DLAT: variants seen among roughly 807,000 people sequenced by gnomAD.
DLAT encodes dihydrolipoamide S-acetyltransferase.
Under a neutral mutation model 68.0 loss-of-function variants are expected in DLAT, and 43 were observed. The ratio of observed to expected loss-of-function variants is 0.63; its 90% CI spans 0.50 to 0.81. The LOEUF is 0.81. DLAT is among the 40% of genes least tolerant of loss of function. The pLI is 0.00. For missense variants in DLAT, 745 were observed against 815.4 expected, an observed-to-expected ratio of 0.91 and a Z score of 1.05; for synonymous variants, 265 against 288.6, an observed-to-expected ratio of 0.92 and a Z score of 0.83.
intron 7 of DLAT, among the ~76,000 whole-genome samples, chr11:112,041,953 A>T (rs1863073711): frequency 6.6e-6 from 1 of 152,202 alleles, no homozygotes; most frequent in Non-Finnish European, 1.5e-5. Flanking sequence ...TGAGATTGGA[A>T]AAAAACAGGG....
intron 11 of DLAT, among the ~76,000 whole-genome samples, chr11:112,058,177 G>C (rs1031031434): frequency 1.3e-5 from 2 of 152,110 alleles, no homozygotes; most frequent in Non-Finnish European, 2.9e-5. Flanking sequence ...AACATGTACT[G>C]TTTACTGGAT....
intron 4 of DLAT, among the ~76,000 whole-genome samples, chr11:112,031,895 T>G (rs1286492070): frequency 2.5e-5 from 3 of 120,768 alleles, no homozygotes; most frequent in Non-Finnish European, 5.2e-5. Context: ...GTTTTTTTTT[T>G]TTTTTTTTTT....
chr11:112,058,905 G>A (rs145743909), intron 11 of DLAT, among the ~76,000 whole-genome samples: 2 of 152,170 alleles, frequency 1.3e-5, no homozygotes, highest in Non-Finnish European at 2.9e-5. Flanking sequence ...TTTGATAACT[G>A]AATTTCAGTA....
rs140418338 is a variant in DLAT, at chr11:112,055,960, C to T, written c.1515-3943C>T. ...TCCGCTCATTGCAACCTCCGCCTCC[C>T]GGGTTCAAGCGATTCTCCTGCCTCA... On this transcript the variant is annotated intron_variant, in intron 11 of 13. Coordinates refer to ENST00000280346, the MANE Select transcript of DLAT (RefSeq NM_001931.5). Among the ~76,000 whole-genome samples, 278 of 144,052 alleles carry T rather than the reference C, an allele frequency of 1.9e-3. 1 individual carries two copies. Among genetic ancestry groups the T allele is most frequent in the African/African-American group, 6.8e-3 (261 of 38,558 alleles). 94.5% of individuals were successfully genotyped at this position (144,052 alleles called of 152,430 possible).
chr11:112,029,006 T>C (rs1862252731), intron 4 of DLAT, 61 bp downstream of exon 4: 24 of 1,585,710 alleles, frequency 1.5e-5, no homozygotes, highest in Non-Finnish European at 1.8e-5. Flanking sequence ...CTTTTTTTCA[T>C]AGATGGCTAC....
At chr11:112,036,184 TGTGTGTGTGTGTGTGTG>T (rs1483090075) in intron 5 of DLAT, among the ~76,000 whole-genome samples, 2 of 75,450 alleles carry the variant, frequency 2.7e-5, no homozygotes, top group African/African-American at 5.5e-5. Context: ...TGTGTGTGTG[TGTGTGTGTGTGTGTGTG>T]TTTTTTTTTT....
At chr11:112,056,842 G>A (rs587701079) in intron 11 of DLAT, among the ~76,000 whole-genome samples, 9 of 152,286 alleles carry the variant, frequency 5.9e-5, no homozygotes, top group African/African-American at 1.4e-4. Flanking sequence ...ATTTGTTACC[G>A]TGTGGGTGTG....
At chr11:112,047,454 A>G (rs61564685) in intron 10 of DLAT, among the ~76,000 whole-genome samples, 14,703 of 152,084 alleles carry the variant, frequency 0.097, 823 homozygotes, top group Middle Eastern at 0.13. Flanking sequence ...GCTGTGCAGA[A>G]GCTCTTTAGT....
In DLAT at chr11:112,043,537, A is replaced by G; in HGVS notation, c.1197+4A>G. ...TGTGCCTAGTAAAGTTGCTCCTGTGAGTTATGTGTAGCTCTTACTTTTTTT... is the reference window on the plus strand; with the variant it reads ...TGTGCCTAGTAAAGTTGCTCCTGTGGGTTATGTGTAGCTCTTACTTTTTTT... On this transcript the variant is annotated splice_donor_region_variant and intron_variant, in intron 8 of 13. Transcript: ENST00000280346. The G allele has an allele frequency of 6.2e-7, 1 of 1,613,642 alleles. No homozygotes were observed. The highest frequency in any genetic ancestry group is 1.1e-5 in the South Asian group (1 of 91,058).
chr11:112,044,053 T>C (rs984415103), intron 8 of DLAT, among the ~76,000 whole-genome samples: 13 of 152,258 alleles, frequency 8.5e-5, no homozygotes, highest in Non-Finnish European at 1.8e-4. Flanking sequence ...AGATCAAAGA[T>C]GATATACTAC....
intron 10 of DLAT, among the ~76,000 whole-genome samples, chr11:112,046,646 G>A (rs1863336009): frequency 6.6e-6 from 1 of 151,320 alleles, no homozygotes; most frequent in South Asian, 2.1e-4. Context: ...GTCCTGGTGT[G>A]TGATGTTTCC....
In DLAT at chr11:112,037,526, T is replaced by G. The variant is rs1862838044; in HGVS notation, c.975+66T>G. 6.0e-6 allele frequency: 9 copies of G among 1,494,972 alleles called. No homozygotes were observed. In the South Asian group the frequency reaches 9.2e-5, roughly 15 times the overall value. 92.6% of individuals were successfully genotyped at this position (1,494,972 alleles called of 1,614,324 possible). A position where few individuals can be genotyped will look rare whatever the true frequency, so the allele number is the denominator to read the frequency against. On this transcript the variant is annotated intron_variant, in intron 6 of 13. Transcript: ENST00000280346. ...CATCTCTAAATTAAGGAGTTTTGAT[T>G]AGATGATATCCTAGGTTCCTTCCAC...
Position 112,051,397 on chromosome 11 carries a change from T to A in DLAT, c.1514+48T>A, listed in dbSNP as rs782092003. ...TATATCCATCGGTAGTTTTCTTGTA[T>A]TATTTAATGTGTGAGTGGAGTTGAG... is the stretch of plus-strand genomic sequence containing the variant. On this transcript the variant is annotated intron_variant, in intron 11 of 13. Transcript: ENST00000280346. The surrounding 1 kb of genome is among the most constrained non-coding windows in gnomAD (Gnocchi z 4.3). The A allele has an allele frequency of 7.3e-7, 1 of 1,367,462 alleles. No homozygotes were observed. Among genetic ancestry groups the A allele is most frequent in the Non-Finnish European group, 1.0e-6 (1 of 958,636 alleles). The allele number at this position is 1,367,462 out of a possible 1,614,324, so 84.7% of individuals were successfully genotyped here. A position where few individuals can be genotyped will look rare whatever the true frequency, so the allele number is the denominator to read the frequency against.
intron 11 of DLAT, among the ~76,000 whole-genome samples, chr11:112,056,219 C>T (rs1283539696): frequency 2.0e-5 from 3 of 152,002 alleles, no homozygotes; most frequent in African/African-American, 7.2e-5. Flanking sequence ...ATAAAATGTA[C>T]CTGCTCTAAG....
At chr11:112,049,132 AC>A (rs1200547973) in intron 10 of DLAT, among the ~76,000 whole-genome samples, 1 of 151,480 alleles carries the variant, frequency 6.6e-6, no homozygotes, top group Non-Finnish European at 1.5e-5. Flanking sequence ...GACGCCCACC[AC>A]CATGCCCGGC....
chr11:112,030,094 G>C, intron 4 of DLAT: 1 of 821,294 alleles, frequency 1.2e-6, no homozygotes, highest in South Asian at 1.3e-5. Flanking sequence ...AATGTCTCCT[G>C]GTAAATACTG....
At chr11:112,038,990 A>T (rs1029995503) in intron 6 of DLAT, among the ~76,000 whole-genome samples, 1 of 152,242 alleles carries the variant, frequency 6.6e-6, no homozygotes, top group Non-Finnish European at 1.5e-5. Context: ...GCAATATTCA[A>T]TTCTGTGCTT....
intron 10 of DLAT, among the ~76,000 whole-genome samples, 187 bp downstream of exon 10, chr11:112,046,157 G>C (rs587688419): frequency 3.0e-4 from 45 of 152,112 alleles, no homozygotes; most frequent in South Asian, 1.2e-3. Context: ...TTTTTCTTCT[G>C]TGCTTTTGGT....
intron 2 of DLAT, 75 bp from the exon 3 acceptor site, chr11:112,028,440 A>T: frequency 6.7e-7 from 1 of 1,502,466 alleles, no homozygotes; most frequent in South Asian, 1.2e-5. Flanking sequence ...AAAAAAAAAA[A>T]AAAAATTCTA....
Sources: gnomAD v4.1 joint callset for allele counts (sites outside exome capture counted in the v4.1 genomes callset) on GRCh38, gnomAD v4.1.1 for gene constraint, Gnocchi (gnomAD v3.1) non-coding constraint, MANE v1.5 for transcripts, NCBI Gene and HGNC (gene_info 2026-07-23, HGNC 2026-07-21) for gene names.